The following ATF7IP variants were observed in gnomAD, a reference collection of about 807,000 sequenced individuals.
ATF7IP encodes the protein activating transcription factor 7 interacting protein, also known as activating transcription factor 7-interacting protein 1.
A neutral mutation model predicts 106.4 loss-of-function variants in ATF7IP; 23 were observed. The observed-to-expected ratio is 0.22, with a 90% CI of 0.16 to 0.31. ATF7IP has a LOEUF of 0.31. ATF7IP is among the 10% of genes least tolerant of loss of function. The pLI, the probability that ATF7IP is intolerant of heterozygous loss-of-function variation, is 1.00. For synonymous variants in ATF7IP, 542 were observed against 539.0 expected (o/e 1.01, Z -0.08); for missense variants, 1,334 against 1,524.3 (o/e 0.88, Z 2.08).
chr12:14,421,083 G>C (rs1296636034), intron 1 of ATF7IP, among the ~76,000 whole-genome samples: 3 of 152,194 alleles, frequency 2.0e-5, no homozygotes, highest in African/African-American at 7.2e-5. Context: ...TGTTAACAAG[G>C]AAATGGTTAC....
intron 1 of ATF7IP, among the ~76,000 whole-genome samples, chr12:14,373,791 G>T (rs1176595388): frequency 2.0e-5 from 3 of 151,962 alleles, no homozygotes; most frequent in Non-Finnish European, 2.9e-5. Context: ...TGGGGGTTTT[G>T]TGTTCATGAT....
chr12:14,451,324 AT>A (rs1267238020), intron 6 of ATF7IP, among the ~76,000 whole-genome samples: 3 of 151,102 alleles, frequency 2.0e-5, no homozygotes, highest in African/African-American at 4.9e-5. Flanking sequence ...AATTTTGCTG[AT>A]TTTTTTTAAA....
chr12:14,456,671 A>C, intron 7 of ATF7IP, 37 bp downstream of exon 7: 1 of 1,409,458 alleles, frequency 7.1e-7, no homozygotes. Context: ...TTAAAAACAG[A>C]ACAAAGTTCT....
In ATF7IP at chr12:14,385,557, A is replaced by G. The variant is rs112453810; in HGVS notation, c.-8+19730A>G. ...TTTAAGCCTTTATTATGGAAACAGT[A>G]CATAGCATGGTGGGGTCAAAGGTTA... On this transcript the variant is annotated intron_variant, in intron 1 of 14. Transcript: ENST00000261168. 5.7e-3 allele frequency among the ~76,000 whole-genome samples: 869 copies of G among 152,318 alleles called. 3 individuals carry two copies. Among genetic ancestry groups the G allele is most frequent in the East Asian group, 0.015 (76 of 5,188 alleles).
At chr12:14,446,874 T>C (rs985784242) in intron 5 of ATF7IP, 114 bp from the exon 6 acceptor site, 61 of 671,090 alleles carry the variant, frequency 9.1e-5, no homozygotes, top group Non-Finnish European at 1.4e-4. Context: ...TACTCAGCTA[T>C]CTTCTGAGGA....
intron 3 of ATF7IP, among the ~76,000 whole-genome samples, chr12:14,435,110 A>G (rs1942340870): frequency 6.6e-6 from 1 of 151,136 alleles, no homozygotes; most frequent in African/African-American, 2.4e-5. Flanking sequence ...GGAGGGAGGG[A>G]GGGAGACAGG....
chr12:14,433,999 G>T (rs1246230100), intron 2 of ATF7IP, among the ~76,000 whole-genome samples: 2 of 152,100 alleles, frequency 1.3e-5, no homozygotes, highest in Non-Finnish European at 2.9e-5. Flanking sequence ...ATTATTGAAT[G>T]TAAAGGAATC....
chr12:14,458,251 T>A (rs1943506827), intron 8 of ATF7IP, among the ~76,000 whole-genome samples: 1 of 152,180 alleles, frequency 6.6e-6, no homozygotes, highest in African/African-American at 2.4e-5. Flanking sequence ...TTTTTACATA[T>A]CTCTTTAATA....
At chr12:14,421,171 T>C (rs529210084) in intron 1 of ATF7IP, among the ~76,000 whole-genome samples, 7 of 152,336 alleles carry the variant, frequency 4.6e-5, no homozygotes, top group South Asian at 4.1e-4. Flanking sequence ...AGATAACCTT[T>C]ATCAGATTTG....
Position 14,460,700 on chromosome 12 carries a change from T to C in ATF7IP, c.2364T>C (p.Pro788=). 1.2e-6 allele frequency: 2 copies of C among 1,614,228 alleles called. No homozygotes were observed. The highest frequency in any genetic ancestry group is 1.1e-5 in the South Asian group (1 of 91,084). ...LQPLPVILHV[P]VAVSSQPQLL... The stretch of plus-strand genomic sequence containing the variant: ...CTTTGCCAGTGATTTTGCATGTACC[T>C]GTTGCAGTATCCTCCCAGCCTCAGC... The change falls in exon 9 of 15, where the codon CCT becomes CCC. Residue 788 remains proline, a synonymous_variant. Coordinates refer to ENST00000261168, the MANE Select transcript of ATF7IP (RefSeq NM_018179.5).
chr12:14,484,610 C>G (rs1396259877), intron 13 of ATF7IP, among the ~76,000 whole-genome samples: 1 of 152,164 alleles, frequency 6.6e-6, no homozygotes, highest in Non-Finnish European at 1.5e-5. Context: ...GTGGTGCCTG[C>G]ATATGGTGCA....
At chr12:14,479,976 G>A (rs1944383244) in intron 12 of ATF7IP, among the ~76,000 whole-genome samples, 1 of 152,120 alleles carries the variant, frequency 6.6e-6, no homozygotes, top group African/African-American at 2.4e-5. Flanking sequence ...CATGGGCAGT[G>A]TAGATTATGG....
rs368535237 is a variant in ATF7IP at position 14,497,715 on chromosome 12, C to T, written c.3455C>T (p.Pro1152Leu). The T allele has an allele frequency of 6.2e-7, 1 of 1,614,182 alleles. No individual in the cohort carries two copies. Among genetic ancestry groups the T allele is most frequent in the Non-Finnish European group, 8.5e-7 (1 of 1,180,044 alleles). ...GAAGCTCCACAACCACAGCGTCTGCCCCCAGAAGCTGCCAGCACATCTCTG... is the reference window on the plus strand; with the variant it reads ...GAAGCTCCACAACCACAGCGTCTGCTCCCAGAAGCTGCCAGCACATCTCTG... ...LPEAPQPQRL[P>L]PEAASTSLPQ... The change falls in exon 15 of 15, where the codon CCC becomes CTC. Residue 1152 changes from proline to leucine, a missense_variant. By Grantham distance (98) the Pro-to-Leu change is moderately conservative (BLOSUM62 -3). Transcript: ENST00000261168.
At chr12:14,446,845 C>T (rs183653258) in intron 5 of ATF7IP, 143 bp from the exon 6 acceptor site, 221 of 561,660 alleles carry the variant, frequency 3.9e-4, no homozygotes, top group Non-Finnish European at 3.0e-4. Context: ...AGTTTATAAT[C>T]AACTTAATTT....
chr12:14,447,720 A>G (rs1195137224), intron 6 of ATF7IP, among the ~76,000 whole-genome samples: 1 of 152,080 alleles, frequency 6.6e-6, no homozygotes, highest in Non-Finnish European at 1.5e-5. Context: ...TCCCCAAAGT[A>G]TTTTAGTATT....
At chr12:14,404,049 C>T (rs1940411451) in intron 1 of ATF7IP, among the ~76,000 whole-genome samples, 1 of 151,296 alleles carries the variant, frequency 6.6e-6, no homozygotes, top group African/African-American at 2.4e-5. Context: ...AGTCAGTTTT[C>T]AGAAATCTGG....
At chr12:14,452,511 G>A (rs758812811) in intron 6 of ATF7IP, among the ~76,000 whole-genome samples, 3 of 151,400 alleles carry the variant, frequency 2.0e-5, no homozygotes, top group Non-Finnish European at 2.9e-5. Flanking sequence ...ATTTTCTTTA[G>A]ATGTTTCCTC....
intron 9 of ATF7IP, 121 bp from the exon 10 acceptor site, chr12:14,466,405 A>G: frequency 4.0e-6 from 3 of 742,144 alleles, no homozygotes; most frequent in Non-Finnish European, 7.0e-6. Flanking sequence ...GTTTTTATTT[A>G]TGTATGTGAC....
chr12:14,389,818 G>A (rs1245204648), intron 1 of ATF7IP, among the ~76,000 whole-genome samples: 3 of 152,030 alleles, frequency 2.0e-5, no homozygotes, highest in Non-Finnish European at 4.4e-5. Flanking sequence ...GTAGAGACTG[G>A]GTTTCTCCAT....
Sources: allele counts gnomAD v4.1 joint callset (sites outside exome capture counted in the v4.1 genomes callset), GRCh38; gene constraint gnomAD v4.1.1; transcripts MANE v1.5; gene names NCBI Gene and HGNC (gene_info 2026-07-23, HGNC 2026-07-21).